The following FILIP1 variants were observed in gnomAD, a reference collection of about 807,000 sequenced individuals.
FILIP1 encodes filamin-A-interacting protein 1.
Under a neutral mutation model 102.1 loss-of-function variants are expected in FILIP1, and 61 were observed. The ratio of observed to expected loss-of-function variants is 0.60; its 90% CI spans 0.49 to 0.74. FILIP1 has a LOEUF of 0.74. FILIP1 is among the 30% of genes least tolerant of loss of function. FILIP1 has a pLI of 0.00. For synonymous variants in FILIP1, 491 were observed against 526.9 expected (o/e 0.93, Z 0.93); for missense variants, 1,314 against 1,441.2 (o/e 0.91, Z 1.43).
In FILIP1 at chr6:75,435,748, C is replaced by T. The variant is rs16886619; in HGVS notation, c.-6-20770G>A. On this transcript the variant is annotated intron_variant, in intron 1 of 5. Coordinates refer to ENST00000237172, the MANE Select transcript of FILIP1 (RefSeq NM_015687.5). Reference sequence around the variant, plus strand: ...TTGATTTCTGCTGAGTGACTTTTCCCGTCATCATTGATACTACTGAGGTGT... The same window carrying T: ...TTGATTTCTGCTGAGTGACTTTTCCTGTCATCATTGATACTACTGAGGTGT... 4.5e-3 allele frequency among the ~76,000 whole-genome samples: 687 copies of T among 152,244 alleles called. 17 individuals are homozygous for T. Among genetic ancestry groups the T allele is most frequent in the Admixed American group, 0.041 (631 of 15,288 alleles).
intron 3 of FILIP1, among the ~76,000 whole-genome samples, chr6:75,358,139 G>C (rs1775062522): frequency 6.6e-6 from 1 of 152,016 alleles, no homozygotes; most frequent in Admixed American, 6.5e-5. Context: ...AAAGTTAGTG[G>C]AGAAGTACAA....
chr6:75,291,868 A>G (rs1772556257), exon 7 of FILIP1: 1 of 152,250 alleles, frequency 6.6e-6, no homozygotes, highest in Admixed American at 6.5e-5. Context: ...CTCATTTTAA[A>G]TGATTTTAAT....
At chr6:75,468,112 C>T (rs559463203) in intron 1 of FILIP1, among the ~76,000 whole-genome samples, 9 of 152,270 alleles carry the variant, frequency 5.9e-5, no homozygotes, top group East Asian at 3.9e-4. Context: ...TAGTCTGTGA[C>T]GCCAGGGGCA....
intron 1 of FILIP1, among the ~76,000 whole-genome samples, chr6:75,432,788 C>T (rs537139874): frequency 4.8e-4 from 73 of 152,094 alleles, no homozygotes; most frequent in African/African-American, 1.7e-3. Flanking sequence ...TCCATTAACT[C>T]GTCATTTACA....
chr6:75,349,845 C>A (rs533405462), intron 4 of FILIP1, among the ~76,000 whole-genome samples: 2 of 152,232 alleles, frequency 1.3e-5, no homozygotes, highest in East Asian at 3.9e-4. Context: ...ACTTGGCTCG[C>A]GGGAAAGAAA....
intron 1 of FILIP1, among the ~76,000 whole-genome samples, chr6:75,488,080 C>A (rs1272509313): frequency 6.6e-6 from 1 of 152,084 alleles, no homozygotes; most frequent in East Asian, 1.9e-4. Context: ...ACACATAAAT[C>A]ACCCAATATT....
Position 75,338,843 on chromosome 6 carries a change from A to G in FILIP1, c.629+14696T>C, listed in dbSNP as rs138732235. ...AAAAACTCAATCCAACTAGTTTGGAATGCGGGGAACAAAAACTCCCCTCAG... is the reference window on the plus strand; with the variant it reads ...AAAAACTCAATCCAACTAGTTTGGAGTGCGGGGAACAAAAACTCCCCTCAG... On this transcript the variant is annotated intron_variant, in intron 4 of 5. Coordinates refer to ENST00000237172, the MANE Select transcript of FILIP1 (RefSeq NM_015687.5). Among the ~76,000 whole-genome samples, 241 of 152,336 alleles carry G rather than the reference A, an allele frequency of 1.6e-3. 4 individuals carry two copies. In the South Asian group the frequency reaches 0.021, roughly 13 times the overall value.
rs1373020288 is a variant in FILIP1, at chr6:75,296,004, A to G, written c.3494-54T>C. The G allele has an allele frequency of 6.9e-5, 84 of 1,222,924 alleles. No homozygotes were observed. In the East Asian group the frequency reaches 2.5e-3, roughly 37 times the overall value. 75.8% of individuals were successfully genotyped at this position (1,222,924 alleles called of 1,614,324 possible). On this transcript the variant is annotated intron_variant, in intron 6 of 6. Transcript: ENST00000393004. Reference sequence around the variant, plus strand: ...TCAATTAAACTGAAACTGAGAATCAAGCTACATCATTTCACTAAAAGATCA... The same window carrying G: ...TCAATTAAACTGAAACTGAGAATCAGGCTACATCATTTCACTAAAAGATCA...
At chr6:75,342,024 C>G (rs920158990) in intron 4 of FILIP1, among the ~76,000 whole-genome samples, 5 of 152,176 alleles carry the variant, frequency 3.3e-5, no homozygotes, top group Non-Finnish European at 5.9e-5. Flanking sequence ...GAGATAGGTA[C>G]TTGGTTATCT....
chr6:75,302,841 G>GAT (rs138989718), intron 6 of FILIP1, among the ~76,000 whole-genome samples: 9 of 151,978 alleles, frequency 5.9e-5, no homozygotes, highest in South Asian at 2.1e-4. Flanking sequence ...GATATGATAT[G>GAT]ATATGATATG....
rs146200792 is a variant in FILIP1 at position 75,376,996 on chromosome 6, A to AT, written c.277-14080dup. On this transcript the variant is annotated intron_variant, in intron 2 of 5. Coordinates refer to ENST00000237172, the MANE Select transcript of FILIP1 (RefSeq NM_015687.5). ...CTATTTTTTCTAAACTTTTCTTAGTATTTTTTTTTAAACCCAGCATCAGTA... is the reference window on the plus strand; with the variant it reads ...CTATTTTTTCTAAACTTTTCTTAGTATTTTTTTTTTAAACCCAGCATCAGTA... 1.1e-3 allele frequency among the ~76,000 whole-genome samples: 171 copies of AT among 151,510 alleles called. 4 individuals are homozygous for AT. The South Asian group carries it at 0.028, about 25-fold the overall frequency.
chr6:75,365,487 C>T (rs997749831), intron 2 of FILIP1, among the ~76,000 whole-genome samples: 15 of 152,168 alleles, frequency 9.9e-5, no homozygotes, highest in African/African-American at 3.6e-4. Context: ...TCTCCTGCCT[C>T]CTCAGCAATT....
chr6:75,464,474 T>A (rs1323610763), intron 1 of FILIP1, among the ~76,000 whole-genome samples: 2 of 152,242 alleles, frequency 1.3e-5, no homozygotes. Context: ...TTTTTAAAAC[T>A]GAATTTAATG....
At chr6:75,437,636 T>C (rs1778070200) in intron 1 of FILIP1, among the ~76,000 whole-genome samples, 1 of 152,200 alleles carries the variant, frequency 6.6e-6, no homozygotes, top group Non-Finnish European at 1.5e-5. Flanking sequence ...TACAAACAAA[T>C]GGTGACCTTG....
intron 1 of FILIP1, among the ~76,000 whole-genome samples, chr6:75,451,551 C>T (rs6900339): frequency 0.21 from 32,563 of 151,934 alleles, 3,627 homozygotes; most frequent in South Asian, 0.3. Flanking sequence ...GTTACAAAGG[C>T]CAGGCACAGT....
At chr6:75,456,804 C>T (rs761138072) in intron 1 of FILIP1, among the ~76,000 whole-genome samples, 6 of 152,038 alleles carry the variant, frequency 3.9e-5, no homozygotes, top group East Asian at 3.9e-4. Flanking sequence ...GTGATCCGCG[C>T]GGGTCGGCCT....
At chr6:75,432,275 T>C (rs573163860) in intron 1 of FILIP1, among the ~76,000 whole-genome samples, 13 of 152,360 alleles carry the variant, frequency 8.5e-5, no homozygotes, top group African/African-American at 2.6e-4. Flanking sequence ...ATGTTACCTA[T>C]GAAATTATTT....
At position 75,312,891 on chromosome 6, in the gene FILIP1, C is replaced by T; in HGVS notation, c.2941G>A (p.Val981Ile). ...TLGPERAMSP[V>I]TITTFSREKT... ...TCTCTGGAAAATGTAGTAATTGTGACTGGGGACATGGCTCGTTCTGGGCCA... is the reference window on the plus strand; with the variant it reads ...TCTCTGGAAAATGTAGTAATTGTGATTGGGGACATGGCTCGTTCTGGGCCA... Residue 981 changes from valine to isoleucine, a missense_variant, in exon 5 of 6, where the codon GTC (valine) becomes ATC (isoleucine). Val to Ile is a conservative substitution (Grantham distance 29, BLOSUM62 3). Coordinates refer to ENST00000237172, the MANE Select transcript of FILIP1 (RefSeq NM_015687.5). 6.2e-7 allele frequency: 1 copy of T among 1,614,206 alleles called. No individual in the cohort carries two copies. The highest frequency in any genetic ancestry group is 8.5e-7 in the Non-Finnish European group (1 of 1,180,042).
chr6:75,469,633 G>A (rs986146606), intron 1 of FILIP1, among the ~76,000 whole-genome samples: 1 of 151,974 alleles, frequency 6.6e-6, no homozygotes. Flanking sequence ...GAAAACCATA[G>A]CAAATCTCAC....
Sources: gnomAD v4.1 joint callset for allele counts (sites outside exome capture counted in the v4.1 genomes callset) on GRCh38, gnomAD v4.1.1 for gene constraint, MANE v1.5 for transcripts, NCBI Gene and HGNC (gene_info 2026-07-23, HGNC 2026-07-21) for gene names.